Variants in ZNF600 observed in about 807,000 individuals in gnomAD.
ZNF600 encodes the protein zinc finger protein 600.
Under a neutral mutation model 7.3 loss-of-function variants are expected in ZNF600, and 4 were observed. The ratio of observed to expected loss-of-function variants is 0.55; its 90% confidence interval spans 0.27 to 1.25. The LOEUF is 1.25. Among genes scored for constraint, ZNF600 ranks in the 50% most tolerant of loss-of-function variants. The probability of loss-of-function intolerance (pLI) is 0.12; values close to 1 mark genes in which losing one functional copy is unlikely to be tolerated. For synonymous variants in ZNF600, 290 were observed against 308.9 expected (o/e 0.94, Z 0.64); for missense variants, 911 against 922.1 (o/e 0.99, Z 0.16).
At chr19:52,816,632 C>T in the ZNF600 span, among the ~76,000 whole-genome samples, 47 of 126,380 alleles carry the variant, frequency 3.7e-4, 2 homozygotes, top group Non-Finnish European at 4.6e-4. Context: ...CCAAAGCACT[C>T]CACCCTGGGT....
the ZNF600 span, among the ~76,000 whole-genome samples, chr19:52,830,478 A>G: frequency 2.6e-5 from 4 of 152,224 alleles, no homozygotes; most frequent in East Asian, 7.7e-4. Flanking sequence ...ACAGAAAACA[A>G]CCAGTCACAA....
At chr19:52,797,691 C>A in the ZNF600 span, 1 of 154,110 alleles carries the variant, frequency 6.5e-6, no homozygotes. Context: ...AAACATTGAT[C>A]AAAATGATTA....
chr19:52,795,973 G>A, the ZNF600 span, among the ~76,000 whole-genome samples: 2 of 151,954 alleles, frequency 1.3e-5, no homozygotes, highest in Non-Finnish European at 2.9e-5. Flanking sequence ...CCTGGAGTTC[G>A]AGACCAGCTT....
the ZNF600 span, chr19:52,797,770 C>T: frequency 1.3e-3 from 202 of 151,976 alleles, 1 homozygote; most frequent in East Asian, 0.015. Context: ...ATTATATAAC[C>T]GAATGTGATT....
chr19:52,811,305 G>A, the ZNF600 span, among the ~76,000 whole-genome samples: 15,238 of 150,356 alleles, frequency 0.1, 1,143 homozygotes, highest in South Asian at 0.2. Context: ...GCCTCTGCCC[G>A]GCCGCCACCC....
At chr19:52,830,631 C>G in the ZNF600 span, among the ~76,000 whole-genome samples, 3 of 152,012 alleles carry the variant, frequency 2.0e-5, no homozygotes, top group African/African-American at 7.3e-5. Context: ...CCTGCACACA[C>G]TGATTTAAGC....
intron 1 of ZNF600, among the ~76,000 whole-genome samples, chr19:52,779,754 A>T (rs2062705491): frequency 6.6e-6 from 1 of 152,132 alleles, no homozygotes; most frequent in Non-Finnish European, 1.5e-5. Context: ...TCAGAAACTC[A>T]AAAGAAGGAC....
intron 3 of ZNF600, among the ~76,000 whole-genome samples, chr19:52,772,906 T>C (rs1264779275): frequency 6.6e-6 from 1 of 152,176 alleles, no homozygotes; most frequent in Admixed American, 6.5e-5. Flanking sequence ...CTGCTGACAG[T>C]GGTTCTGAAG....
chr19:52,795,422 A>G, the ZNF600 span, among the ~76,000 whole-genome samples: 2 of 144,128 alleles, frequency 1.4e-5, no homozygotes, highest in Non-Finnish European at 3.0e-5. Context: ...AATTTCAGAG[A>G]AAAACAATTT....
chr19:52,800,329 T>C, the ZNF600 span: 2 of 1,613,610 alleles, frequency 1.2e-6, no homozygotes, highest in Non-Finnish European at 1.7e-6. Flanking sequence ...CATGAATCAC[T>C]CCGGAAAGCC....
At chr19:52,770,922 C>T (rs1230880206) in intron 3 of ZNF600, among the ~76,000 whole-genome samples, 3 of 152,188 alleles carry the variant, frequency 2.0e-5, no homozygotes, top group East Asian at 1.9e-4. Flanking sequence ...CAGTCTCTAC[C>T]TCCCAGGTTC....
chr19:52,812,402 T>G, the ZNF600 span, among the ~76,000 whole-genome samples: 2 of 135,142 alleles, frequency 1.5e-5, no homozygotes, highest in Non-Finnish European at 3.1e-5. Flanking sequence ...TGGGAGACTT[T>G]TCATTTTGTT....
intron 3 of ZNF600, among the ~76,000 whole-genome samples, chr19:52,770,615 T>C (rs2062623058): frequency 6.7e-6 from 1 of 149,614 alleles, no homozygotes; most frequent in Non-Finnish European, 1.5e-5. Context: ...GGAAAATTTA[T>C]AAACAGATCA....
At chr19:52,768,920 G>T (rs533453096) in intron 3 of ZNF600, among the ~76,000 whole-genome samples, 2 of 151,966 alleles carry the variant, frequency 1.3e-5, no homozygotes, top group East Asian at 1.9e-4. Flanking sequence ...AATAATCCTC[G>T]CTCTATAATC....
the ZNF600 span, among the ~76,000 whole-genome samples, chr19:52,831,212 T>C: frequency 5.8e-4 from 88 of 152,318 alleles, 1 homozygote; most frequent in African/African-American, 2.0e-3. Flanking sequence ...AAGAATTCCC[T>C]GGCTGAGTAG....
upstream of ZNF600, among the ~76,000 whole-genome samples, chr19:52,787,143 C>A (rs1974833): frequency 7.2e-5 from 11 of 152,346 alleles, no homozygotes; most frequent in Admixed American, 2.6e-4. Flanking sequence ...GGGTCCACCC[C>A]GTGCTCAGCT....
the ZNF600 span, among the ~76,000 whole-genome samples, chr19:52,832,036 A>G: frequency 2.0e-5 from 3 of 152,064 alleles, no homozygotes; most frequent in African/African-American, 4.8e-5. Context: ...TGTTTTCTAC[A>G]TAAACCATGG....
At chr19:52,821,059 C>A in the ZNF600 span, among the ~76,000 whole-genome samples, 440 of 151,442 alleles carry the variant, frequency 2.9e-3, 3 homozygotes, top group African/African-American at 8.0e-3. Flanking sequence ...CTCTCCAACG[C>A]GGGCTCAGGG....
the ZNF600 span, among the ~76,000 whole-genome samples, chr19:52,795,972 C>T: frequency 1.3e-5 from 2 of 151,794 alleles, no homozygotes; most frequent in South Asian, 2.1e-4. Context: ...CCCTGGAGTT[C>T]GAGACCAGCT....
Sources: gnomAD v4.1 joint callset for allele counts (sites outside exome capture counted in the v4.1 genomes callset) on GRCh38, gnomAD v4.1.1 for gene constraint, MANE v1.5 for transcripts, NCBI Gene and HGNC (gene_info 2026-07-23, HGNC 2026-07-21) for gene names.